Variants in GALM observed in about 807,000 individuals in gnomAD.
GALM encodes the protein galactose mutarotase, also known as aldose 1-epimerase.
A neutral mutation model predicts 37.4 loss-of-function variants in GALM; 43 were observed. That is an observed-to-expected ratio of 1.15 (90% CI 0.90 to 1.48). The LOEUF (loss-of-function observed/expected upper bound fraction) is 1.48, where lower values mean the gene tolerates loss of function less well. Among genes scored for constraint, GALM ranks in the 40% most tolerant of loss-of-function variants. The probability of loss-of-function intolerance (pLI) is 0.00; values close to 1 mark genes in which losing one functional copy is unlikely to be tolerated. For synonymous variants in GALM, 199 were observed against 170.6 expected, an observed-to-expected ratio of 1.17 and a Z score of -1.30; for missense variants, 456 against 419.1, an observed-to-expected ratio of 1.09 and a Z score of -0.77.
rs202133299 is a variant in GALM, at chr2:38,695,501, TG to T, written c.634+5611del. Among the ~76,000 whole-genome samples, 153 of 152,312 alleles carry T rather than the reference TG, an allele frequency of 1.0e-3. 1 individual carries two copies. In the East Asian group the frequency reaches 0.027, roughly 27 times the overall value. On this transcript the variant is annotated intron_variant, in intron 4 of 6. Coordinates refer to ENST00000272252, the MANE Select transcript of GALM (RefSeq NM_138801.3). The stretch of plus-strand genomic sequence containing the variant: ...ACCCTTTGCTCTACCTGGCTTTTCC[TG>T]GGGTGGCTGCTTGGTTGTGCTGAAA...
At chr2:38,672,216 G>T (rs1425557828) in intron 1 of GALM, among the ~76,000 whole-genome samples, 1 of 152,132 alleles carries the variant, frequency 6.6e-6, no homozygotes, top group Admixed American at 6.5e-5. Flanking sequence ...TGTGCCTCTG[G>T]CAGAGAGCGG....
chr2:38,674,967 G>A (rs571854667), intron 1 of GALM, among the ~76,000 whole-genome samples: 128 of 152,286 alleles, frequency 8.4e-4, no homozygotes, highest in Non-Finnish European at 1.3e-3. Context: ...CTGAGGTCAG[G>A]AGTTCGAGAC....
intron 4 of GALM, among the ~76,000 whole-genome samples, chr2:38,702,370 T>G (rs1665936898): frequency 6.6e-6 from 1 of 151,858 alleles, no homozygotes; most frequent in Non-Finnish European, 1.5e-5. Context: ...AAAAAAAAAT[T>G]GAACATTTCA....
chr2:38,680,457 G>C (rs547977720), intron 2 of GALM, among the ~76,000 whole-genome samples: 1 of 152,206 alleles, frequency 6.6e-6, no homozygotes, highest in East Asian at 1.9e-4. Flanking sequence ...TTAATGCCTA[G>C]AGTCACACAA....
rs772773074 is a variant in GALM, at chr2:38,666,170, G to A, written c.9G>A (p.Ser3=). 1.2e-6 allele frequency: 2 copies of A among 1,611,146 alleles called. No individual in the cohort carries two copies. Among genetic ancestry groups the A allele is most frequent in the Non-Finnish European group, 1.7e-6 (2 of 1,178,494 alleles). Residue 3 remains serine (S), a synonymous_variant, in exon 1 of 7, where the codon TCG becomes TCA. Transcript: ENST00000272252. ...CACGCCAAACTTTCCCTATGGCTTCGGTGACCAGGGCCGTGTTTGGAGAGC... is the reference window on the plus strand; with the variant it reads ...CACGCCAAACTTTCCCTATGGCTTCAGTGACCAGGGCCGTGTTTGGAGAGC... MA[S]VTRAVFGELP...
In GALM at chr2:38,666,132, G is replaced by C; in HGVS notation, c.-30G>C. On this transcript the variant is annotated 5_prime_UTR_variant, in exon 1 of 7. Transcript: ENST00000272252. ...AGCGAGCGCTGGAGTTTGAAGAGCG[G>C]GCAGTGGCTGCACACGCCAAACTTT... is the stretch of plus-strand genomic sequence containing the variant. 6.3e-7 allele frequency: 1 copy of C among 1,588,528 alleles called. No homozygotes were observed. Among genetic ancestry groups the C allele is most frequent in the Non-Finnish European group, 8.6e-7 (1 of 1,165,640 alleles).
At chr2:38,669,335 T>C (rs1045304221) in intron 1 of GALM, 1 of 152,284 alleles carries the variant, frequency 6.6e-6, no homozygotes, top group African/African-American at 2.4e-5. Flanking sequence ...TCTGTTCTGA[T>C]TACCGGTGCA....
At chr2:38,676,718 A>G (rs934759128) in intron 2 of GALM, among the ~76,000 whole-genome samples, 1 of 152,198 alleles carries the variant, frequency 6.6e-6, no homozygotes, top group Non-Finnish European at 1.5e-5. Context: ...AGCTGAGATC[A>G]CGCCACTGCA....
intron 4 of GALM, chr2:38,698,379 A>G: frequency 7.7e-7 from 1 of 1,304,522 alleles, no homozygotes; most frequent in Non-Finnish European, 1.0e-6. Flanking sequence ...GCACCAACAG[A>G]AGGTTTCTGC....
chr2:38,674,208 T>C (rs1321521105), intron 1 of GALM, among the ~76,000 whole-genome samples: 26 of 151,442 alleles, frequency 1.7e-4, no homozygotes, highest in Admixed American at 1.7e-3. Context: ...TTTTTTTTTT[T>C]TTGAGACAGT....
At chr2:38,709,057 G>A (rs1253778907) in intron 4 of GALM, among the ~76,000 whole-genome samples, 1 of 152,160 alleles carries the variant, frequency 6.6e-6, no homozygotes, top group African/African-American at 2.4e-5. Flanking sequence ...AGGAGCAGGA[G>A]GACAGGGTGT....
chr2:38,729,415 T>C (rs1666553442), intron 4 of GALM, 141 bp from the exon 5 acceptor site: 1 of 501,718 alleles, frequency 2.0e-6, no homozygotes, highest in Non-Finnish European at 3.3e-6. Context: ...TCTCTGCATG[T>C]TTCCCAGGAT....
chr2:38,683,330 T>C (rs1665442865), intron 3 of GALM, among the ~76,000 whole-genome samples: 1 of 152,188 alleles, frequency 6.6e-6, no homozygotes, highest in South Asian at 2.1e-4. Context: ...AAAAGCGCGG[T>C]CAATGAACTT....
chr2:38,722,559 TG>T (rs1283991831), intron 4 of GALM, among the ~76,000 whole-genome samples: 1 of 152,194 alleles, frequency 6.6e-6, no homozygotes, highest in Admixed American at 6.5e-5. Flanking sequence ...TGCTTCTCCC[TG>T]CCGACACCCC....
intron 2 of GALM, among the ~76,000 whole-genome samples, chr2:38,679,618 G>C (rs533360726): frequency 6.6e-6 from 1 of 152,294 alleles, no homozygotes; most frequent in African/African-American, 2.4e-5. Context: ...GCCTGCAACA[G>C]GCCCCTTCTT....
intron 1 of GALM, among the ~76,000 whole-genome samples, chr2:38,666,861 T>TGG (rs747142801): frequency 6.6e-6 from 1 of 152,216 alleles, no homozygotes; most frequent in Non-Finnish European, 1.5e-5. Flanking sequence ...GTACACCAGC[T>TGG]ACCCAATAAC....
chr2:38,725,017 G>A (rs1031111031), intron 4 of GALM, among the ~76,000 whole-genome samples: 4 of 152,128 alleles, frequency 2.6e-5, no homozygotes, highest in Non-Finnish European at 4.4e-5. Context: ...TATACTTTAA[G>A]GGAGATAATT....
intron 4 of GALM, among the ~76,000 whole-genome samples, chr2:38,716,998 C>G (rs1300305670): frequency 6.6e-6 from 1 of 152,180 alleles, no homozygotes; most frequent in Non-Finnish European, 1.5e-5. Flanking sequence ...TGCCTGTAAT[C>G]CCAGCACTTT....
chr2:38,689,309 G>A (rs1665615443), intron 3 of GALM, among the ~76,000 whole-genome samples: 2 of 152,148 alleles, frequency 1.3e-5, no homozygotes, highest in Non-Finnish European at 2.9e-5. Flanking sequence ...CAAAAGCAGG[G>A]ACTGCGGTTC....
Sources: gnomAD v4.1 joint callset for allele counts (sites outside exome capture counted in the v4.1 genomes callset) on GRCh38, gnomAD v4.1.1 for gene constraint, MANE v1.5 for transcripts, NCBI Gene and HGNC (gene_info 2026-07-23, HGNC 2026-07-21) for gene names.